The following LETM1 variants were observed in gnomAD, a reference collection of about 807,000 sequenced individuals.
The protein encoded by LETM1 is leucine zipper and EF-hand containing transmembrane protein 1, also known as mitochondrial proton/calcium exchanger protein.
In LETM1, 50 loss-of-function variants were observed where a neutral mutation model predicts 74.5. The observed-to-expected ratio is 0.67, with a 90% CI of 0.53 to 0.85. LETM1 has a LOEUF of 0.85. LETM1 is among the 40% of genes least tolerant of loss of function. The pLI, the probability that LETM1 is intolerant of heterozygous loss-of-function variation, is 0.00. For synonymous variants in LETM1, 446 were observed against 407.1 expected, an observed-to-expected ratio of 1.10 and a Z score of -1.15; for missense variants, 824 against 967.8, an observed-to-expected ratio of 0.85 and a Z score of 1.97.
intron 6 of LETM1, among the ~76,000 whole-genome samples, chr4:1,829,340 C>T (rs1220823402): frequency 3.6e-5 from 5 of 140,174 alleles, no homozygotes; most frequent in Admixed American, 7.0e-5. Flanking sequence ...GCTGGCCAGG[C>T]GGAGGGCTGA....
intron 1 of LETM1, among the ~76,000 whole-genome samples, chr4:1,855,084 G>T (rs903432395): frequency 6.6e-6 from 1 of 152,156 alleles, no homozygotes; most frequent in African/African-American, 2.4e-5. Context: ...CAACTTGGGA[G>T]GCTGAGGCAG....
intron 5 of LETM1, 145 bp from the exon 6 acceptor site, chr4:1,833,092 G>A: frequency 2.9e-6 from 2 of 684,936 alleles, no homozygotes; most frequent in East Asian, 5.4e-5. Context: ...TTTTGTTTGA[G>A]ACAGGGTCTC....
rs551993199 is a variant in LETM1, at chr4:1,819,076, C to T, written c.1743+262G>A. On this transcript the variant is annotated intron_variant, in intron 11 of 13. Coordinates refer to ENST00000302787, the MANE Select transcript of LETM1 (RefSeq NM_012318.3). ...TCTGGCCTGGGCAACAGAGCAAGACCTTCTTACAAAAAAAAAAAAAAAAAG... is the reference window on the plus strand; with the variant it reads ...TCTGGCCTGGGCAACAGAGCAAGACTTTCTTACAAAAAAAAAAAAAAAAAG... Among the ~76,000 whole-genome samples, 256 of 147,700 alleles carry T rather than the reference C, an allele frequency of 1.7e-3. 1 individual carries two copies. The highest frequency in any genetic ancestry group is 2.7e-3 in the Admixed American group (40 of 14,740).
At chr4:1,819,756 T>A (rs1711709457) in intron 10 of LETM1, among the ~76,000 whole-genome samples, 6 of 152,202 alleles carry the variant, frequency 3.9e-5, no homozygotes, top group Admixed American at 3.9e-4. Flanking sequence ...AAGAGTCACC[T>A]CCAAATGCAT....
intron 1 of LETM1, among the ~76,000 whole-genome samples, chr4:1,850,938 A>C (rs1194948385): frequency 8.3e-6 from 1 of 120,546 alleles, no homozygotes; most frequent in Non-Finnish European, 1.6e-5. Flanking sequence ...CATTGCACTC[A>C]AAAAAAAAAA....
In LETM1 at chr4:1,823,624, G is replaced by A. The variant is rs776977984; in HGVS notation, c.1332+20C>T. On this transcript the variant is annotated intron_variant, in intron 8 of 13. Coordinates refer to ENST00000302787, the MANE Select transcript of LETM1 (RefSeq NM_012318.3). Reference sequence around the variant, plus strand: ...CACCTATGAAGAGATGAGGTAAAAGGGGTCTCCGACAGCACGTACCACAAT... The same window carrying A: ...CACCTATGAAGAGATGAGGTAAAAGAGGTCTCCGACAGCACGTACCACAAT... 12 of 1,612,554 alleles carry A rather than the reference G, an allele frequency of 7.4e-6. No homozygotes were observed. Among genetic ancestry groups the A allele is most frequent in the African/African-American group, 1.3e-5 (1 of 74,894 alleles).
In LETM1 at chr4:1,841,753, G is replaced by T; in HGVS notation, c.188C>A (p.Thr63Lys). 6.2e-7 allele frequency: 1 copy of T among 1,613,996 alleles called. No individual in the cohort carries two copies. Among genetic ancestry groups the T allele is most frequent in the Non-Finnish European group, 8.5e-7 (1 of 1,180,024 alleles). Reference sequence around the variant, plus strand: ...GCCGAGGTGATCGCCTCTGGAGGATGTGTACACAGGGTGGATGGGAGTGCA... The same window carrying T: ...GCCGAGGTGATCGCCTCTGGAGGATTTGTACACAGGGTGGATGGGAGTGCA... ...GCCTPIHPVYTSSRGDHLGCW... is the reference protein window; with the variant it reads ...GCCTPIHPVYKSSRGDHLGCW... The change falls in exon 3 of 14, where the codon ACA becomes AAA. Residue 63 changes from threonine to lysine, a missense_variant. Coordinates refer to ENST00000302787, the MANE Select transcript of LETM1 (RefSeq NM_012318.3).
intron 1 of LETM1, among the ~76,000 whole-genome samples, chr4:1,851,997 C>G (rs1468227888): frequency 6.6e-6 from 1 of 152,244 alleles, no homozygotes; most frequent in South Asian, 2.1e-4. Flanking sequence ...ACGTCCCTCA[C>G]GAGCACAGGT....
At chr4:1,819,305 A>C in intron 11 of LETM1, 33 bp downstream of exon 11, 1 of 1,578,990 alleles carries the variant, frequency 6.3e-7, no homozygotes, top group Non-Finnish European at 8.6e-7. Flanking sequence ...CTCTTCTTGC[A>C]GTCTCAGAGT....
intron 4 of LETM1, among the ~76,000 whole-genome samples, chr4:1,835,750 G>A (rs542596348): frequency 4.6e-5 from 7 of 152,084 alleles, no homozygotes; most frequent in Admixed American, 6.5e-5. Context: ...CTATAGCACC[G>A]GTAGGGGAGT....
chr4:1,849,337 T>G, intron 1 of LETM1, 128 bp from the exon 2 acceptor site: 1 of 663,844 alleles, frequency 1.5e-6, no homozygotes, highest in South Asian at 1.6e-5. Context: ...TGATCTCGGC[T>G]CACTGCAACC....
intron 2 of LETM1, among the ~76,000 whole-genome samples, chr4:1,842,502 G>A (rs997929002): frequency 1.4e-4 from 21 of 152,092 alleles, no homozygotes; most frequent in African/African-American, 1.9e-4. Context: ...CCACTCCACC[G>A]CTCTTGCCTC....
intron 11 of LETM1, among the ~76,000 whole-genome samples, chr4:1,818,605 T>G (rs185141333): frequency 6.7e-6 from 1 of 148,844 alleles, no homozygotes; most frequent in Non-Finnish European, 1.5e-5. Flanking sequence ...AGAGCTAGAC[T>G]TCGTCTCAAA....
intron 7 of LETM1, 63 bp from the exon 8 acceptor site, chr4:1,823,838 T>A (rs1239069096): frequency 1.3e-6 from 2 of 1,524,748 alleles, no homozygotes; most frequent in Non-Finnish European, 1.8e-6. Context: ...CCACAGCAGG[T>A]CCGCCCATCT....
At chr4:1,843,064 T>A (rs1257064230) in intron 2 of LETM1, 1 of 331,036 alleles carries the variant, frequency 3.0e-6, no homozygotes, top group African/African-American at 2.2e-5. Context: ...CCATCAGCTC[T>A]CTGTGCATGG....
chr4:1,849,874 A>C (rs1713009721), intron 1 of LETM1, among the ~76,000 whole-genome samples: 2 of 151,408 alleles, frequency 1.3e-5, no homozygotes, highest in Admixed American at 6.6e-5. Context: ...GTCTGAAAGA[A>C]GGCGGGGCGC....
At position 1,815,768 on chromosome 4, in the gene LETM1, C is replaced by A. The variant is rs200956240; in HGVS notation, c.1966G>T (p.Ala656Ser). 1.1e-5 allele frequency: 17 copies of A among 1,614,182 alleles called. No individual in the cohort carries two copies. In the Admixed American group the frequency reaches 1.8e-4, roughly 17 times the overall value. ...NVISVAELIN[A>S]MKQVKHIPES... Reference sequence around the variant, plus strand: ...GGAATGTGCTTGACTTGCTTCATGGCGTTGATGAGCTCAGCGACACTGATG... The same window carrying A: ...GGAATGTGCTTGACTTGCTTCATGGAGTTGATGAGCTCAGCGACACTGATG... Residue 656 changes from alanine to serine, a missense_variant, in exon 13 of 14, where the codon GCC becomes TCC. By Grantham distance (99) the Ala-to-Ser change is moderately conservative (BLOSUM62 1). This residue lies in a region of LETM1 where 161 missense variants were observed against 252.7 expected (regional missense o/e 0.64). Transcript: ENST00000302787.
In LETM1 at chr4:1,828,201, G is replaced by A. The variant is rs1179335769; in HGVS notation, c.1081-2518C>T. ...CAGAGGCGCCCCTCACCTCCCGGAC[G>A]GGGCGGCTGGCCGGGCGGGGGGGGC... On this transcript the variant is annotated intron_variant, in intron 6 of 13. Transcript: ENST00000302787. 5.9e-3 allele frequency among the ~76,000 whole-genome samples: 779 copies of A among 131,194 alleles called. 2 individuals carry two copies. The highest frequency in any genetic ancestry group is 0.011 in the East Asian group (48 of 4,198). 86.1% of individuals were successfully genotyped at this position (131,194 alleles called of 152,430 possible).
At chr4:1,837,320 C>T (rs1357845129) in intron 3 of LETM1, among the ~76,000 whole-genome samples, 1 of 152,304 alleles carries the variant, frequency 6.6e-6, no homozygotes, top group South Asian at 2.1e-4. Context: ...CGACCCCGCG[C>T]TCATTGAGCC....
Sources: gnomAD v4.1 joint callset for allele counts (sites outside exome capture counted in the v4.1 genomes callset) on GRCh38, gnomAD v4.1.1 for gene constraint, gnomAD v4.1.1 regional missense constraint, MANE v1.5 for transcripts, NCBI Gene and HGNC (gene_info 2026-07-23, HGNC 2026-07-21) for gene names.